The following QRFPR variants were observed in gnomAD, a reference collection of about 807,000 sequenced individuals.
QRFPR encodes pyroglutamylated RF-amide peptide receptor.
Under a neutral mutation model 31.3 loss-of-function variants are expected in QRFPR, and 37 were observed. That is an observed-to-expected ratio of 1.18 (90% confidence interval 0.91 to 1.56). QRFPR has a LOEUF of 1.56. QRFPR is among the 40% of genes most tolerant of loss of function. The probability of loss-of-function intolerance (pLI) is 0.00; values close to 1 mark genes in which losing one functional copy is unlikely to be tolerated. For missense variants in QRFPR, 542 were observed against 532.5 expected, an observed-to-expected ratio of 1.02 and a Z score of -0.18; for synonymous variants, 197 against 192.0, an observed-to-expected ratio of 1.03 and a Z score of -0.22.
At chr4:121,354,624 T>C (rs1346255651) in intron 1 of QRFPR, among the ~76,000 whole-genome samples, 1 of 152,100 alleles carries the variant, frequency 6.6e-6, no homozygotes, top group Non-Finnish European at 1.5e-5. Context: ...CATCTTTTTC[T>C]TGTTTCAGAT....
chr4:121,330,976 A>G (rs1226836232), intron 4 of QRFPR, among the ~76,000 whole-genome samples: 1 of 151,998 alleles, frequency 6.6e-6, no homozygotes, highest in Admixed American at 6.6e-5. Flanking sequence ...CAATATTTAT[A>G]AAATATGGGC....
intron 3 of QRFPR, 78 bp from the exon 4 acceptor site, chr4:121,333,134 C>T (rs1725367854): frequency 2.3e-6 from 2 of 880,864 alleles, no homozygotes; most frequent in Non-Finnish European, 1.8e-6. Flanking sequence ...ATTATTGCAA[C>T]ACAACATTTT....
rs570410001 is a variant in QRFPR at position 121,376,546 on chromosome 4, T to G, written c.340+3762A>C. 2.3e-4 allele frequency among the ~76,000 whole-genome samples: 34 copies of G among 149,420 alleles called. 1 individual carries two copies. In the South Asian group the frequency reaches 2.3e-3, roughly 10 times the overall value. On this transcript the variant is annotated intron_variant, in intron 1 of 5. Coordinates refer to ENST00000394427, the MANE Select transcript of QRFPR (RefSeq NM_198179.3). ...CAACTGTTTGATTTCTGGGTTTGTTTTTTTTTTTTTTCACTTTTTTAAAAA... is the reference window on the plus strand; with the variant it reads ...CAACTGTTTGATTTCTGGGTTTGTTGTTTTTTTTTTTCACTTTTTTAAAAA...
intron 1 of QRFPR, among the ~76,000 whole-genome samples, chr4:121,377,703 T>C (rs1579594907): frequency 6.6e-6 from 1 of 152,242 alleles, no homozygotes; most frequent in East Asian, 1.9e-4. Context: ...TGGATCCTTT[T>C]TCTATCAAAT....
At chr4:121,344,711 T>G (rs1725610603) in intron 1 of QRFPR, among the ~76,000 whole-genome samples, 1 of 152,202 alleles carries the variant, frequency 6.6e-6, no homozygotes, top group South Asian at 2.1e-4. Flanking sequence ...AAATAAACAC[T>G]GAAGACTTCT....
chr4:121,340,206 G>C (rs187539048), intron 2 of QRFPR: 1 of 459,170 alleles, frequency 2.2e-6, no homozygotes, highest in Non-Finnish European at 4.0e-6. Context: ...TGAACATAGT[G>C]CTTAAACGTT....
In QRFPR at chr4:121,361,332, G is replaced by A. The variant is rs545742398; in HGVS notation, c.340+18976C>T. Reference sequence around the variant, plus strand: ...CATTCTGCACCCTCCTTGGTATAATGATGATGTGGAAGTTAAGCTTTACTA... The same window carrying A: ...CATTCTGCACCCTCCTTGGTATAATAATGATGTGGAAGTTAAGCTTTACTA... On this transcript the variant is annotated intron_variant, in intron 1 of 5. Transcript: ENST00000394427. Among the ~76,000 whole-genome samples the A allele has an allele frequency of 4.0e-5, 6 of 150,128 alleles. No homozygotes were observed. The South Asian group carries it at 1.3e-3, about 32-fold the overall frequency.
At chr4:121,367,112 T>A (rs6839915) in intron 1 of QRFPR, among the ~76,000 whole-genome samples, 55,457 of 149,550 alleles carry the variant, frequency 0.37, 12,994 homozygotes, top group East Asian at 0.8. Context: ...ATGTCCATTA[T>A]CAAGGGAGGT....
intron 1 of QRFPR, chr4:121,369,909 T>G: frequency 1.3e-6 from 1 of 781,378 alleles, no homozygotes; most frequent in Non-Finnish European, 2.4e-6. Flanking sequence ...TCTGCTACTC[T>G]AAGGTACTTG....
intron 1 of QRFPR, among the ~76,000 whole-genome samples, chr4:121,351,485 C>CTT (rs1179162980): frequency 6.6e-6 from 1 of 152,044 alleles, no homozygotes; most frequent in Non-Finnish European, 1.5e-5. Flanking sequence ...AACTGAGTTG[C>CTT]TTAAACTTTC....
intron 1 of QRFPR, chr4:121,369,479 T>C: frequency 1.7e-6 from 2 of 1,167,324 alleles, no homozygotes; most frequent in Non-Finnish European, 2.5e-6. Flanking sequence ...TTTGAGATTA[T>C]GTGCCCGTGG....
chr4:121,346,958 A>G lies in QRFPR; in HGVS notation c.341-6348T>C, dbSNP rs562807203. 2.0e-5 allele frequency among the ~76,000 whole-genome samples: 3 copies of G among 152,246 alleles called. No homozygotes were observed. In the East Asian group the frequency reaches 5.8e-4, roughly 29 times the overall value. On this transcript the variant is annotated intron_variant, in intron 1 of 5. Coordinates refer to ENST00000394427, the MANE Select transcript of QRFPR (RefSeq NM_198179.3). ...ATTGATATTTTGTGTGCCCATGTTC[A>G]TAAGAGCTATTCGTTTGCAACTTTC...
chr4:121,360,182 A>G (rs1189420493), intron 1 of QRFPR, among the ~76,000 whole-genome samples: 1 of 152,202 alleles, frequency 6.6e-6, no homozygotes, highest in African/African-American at 2.4e-5. Flanking sequence ...CAGAAATCAT[A>G]TATAAGATGA....
chr4:121,364,733 T>A (rs1280135261), intron 1 of QRFPR, among the ~76,000 whole-genome samples: 1 of 150,210 alleles, frequency 6.7e-6, no homozygotes, highest in Non-Finnish European at 1.5e-5. Context: ...GTCACTGGAC[T>A]AAATTTCTTT....
At chr4:121,378,040 A>G (rs1726389966) in intron 1 of QRFPR, among the ~76,000 whole-genome samples, 1 of 152,150 alleles carries the variant, frequency 6.6e-6, no homozygotes, top group African/African-American at 2.4e-5. Context: ...TACTCAATTT[A>G]TAAGATCATT....
intron 5 of QRFPR, 32 bp downstream of exon 5, chr4:121,330,394 A>T: frequency 7.1e-7 from 1 of 1,402,558 alleles, no homozygotes; most frequent in Non-Finnish European, 1.0e-6. Context: ...ATGAATGAGA[A>T]TGTCTATCAA....
At chr4:121,341,234 T>A (rs1321505791) in intron 1 of QRFPR, among the ~76,000 whole-genome samples, 1 of 152,232 alleles carries the variant, frequency 6.6e-6, no homozygotes, top group Non-Finnish European at 1.5e-5. Flanking sequence ...GTCAATCTTT[T>A]AAAATGTTTA....
intron 1 of QRFPR, among the ~76,000 whole-genome samples, chr4:121,375,233 C>T (rs541457308): frequency 8.5e-5 from 13 of 152,262 alleles, no homozygotes; most frequent in African/African-American, 2.9e-4. Flanking sequence ...CAGCCTATCC[C>T]TCAACTTTGG....
chr4:121,340,766 T>C (rs1725528358), intron 1 of QRFPR, among the ~76,000 whole-genome samples, 156 bp from the exon 2 acceptor site: 1 of 152,220 alleles, frequency 6.6e-6, no homozygotes, highest in Non-Finnish European at 1.5e-5. Context: ...TTGAAAAACA[T>C]TGCATTGGTT....
Sources: gnomAD v4.1 joint callset for allele counts (sites outside exome capture counted in the v4.1 genomes callset) on GRCh38, gnomAD v4.1.1 for gene constraint, MANE v1.5 for transcripts, NCBI Gene and HGNC (gene_info 2026-07-23, HGNC 2026-07-21) for gene names.